OPN5: variants seen among roughly 807,000 people sequenced by gnomAD.
OPN5 encodes opsin-5.
Under a neutral mutation model 41.7 loss-of-function variants are expected in OPN5, and 18 were observed. The observed-to-expected ratio is 0.43, with a 90% CI of 0.30 to 0.64. OPN5 has a LOEUF of 0.64. Among genes scored for constraint, OPN5 ranks in the 30% least tolerant of loss-of-function variants. The pLI is 0.13. For missense variants in OPN5, 318 were observed against 434.5 expected, an observed-to-expected ratio of 0.73 and a Z score of 2.38; for synonymous variants, 178 against 164.3, an observed-to-expected ratio of 1.08 and a Z score of -0.64.
intron 6 of OPN5, among the ~76,000 whole-genome samples, chr6:47,814,590 G>T (rs985497900): frequency 1.3e-5 from 2 of 152,030 alleles, no homozygotes; most frequent in African/African-American, 4.8e-5. Flanking sequence ...ATAGAGATGT[G>T]GTCCTTGGGG....
rs982350590 is a variant in OPN5 at position 47,812,529 on chromosome 6, C to G, written c.1056+798C>G. ...TTAAACAAACACCTTTTGAGGCAGA[C>G]AGGTAAAGAGATGTAGATATGAATG... On this transcript the variant is annotated intron_variant, in intron 6 of 6. Transcript: ENST00000371211. Among the ~76,000 whole-genome samples, 6 of 152,024 alleles carry G rather than the reference C, an allele frequency of 3.9e-5. No individual in the cohort carries two copies. In the East Asian group the frequency reaches 1.2e-3, roughly 29 times the overall value.
At chr6:47,802,301 G>A (rs1031332328) in intron 4 of OPN5, among the ~76,000 whole-genome samples, 8 of 152,046 alleles carry the variant, frequency 5.3e-5, no homozygotes, top group African/African-American at 1.9e-4. Flanking sequence ...GTTTTGGGTA[G>A]CATTTCTCTC....
At chr6:47,784,017 C>T (rs1773139425) in intron 1 of OPN5, among the ~76,000 whole-genome samples, 1 of 152,104 alleles carries the variant, frequency 6.6e-6, no homozygotes, top group African/African-American at 2.4e-5. Context: ...GAATTTCCCA[C>T]CTGATACACA....
At chr6:47,797,409 G>A (rs889098933) in intron 4 of OPN5, among the ~76,000 whole-genome samples, 12 of 152,102 alleles carry the variant, frequency 7.9e-5, no homozygotes, top group African/African-American at 2.7e-4. Flanking sequence ...TATGAGTTAG[G>A]TTCTTCATTT....
intron 4 of OPN5, among the ~76,000 whole-genome samples, chr6:47,804,283 T>C (rs1199011): frequency 0.95 from 145,245 of 152,198 alleles, 69,371 homozygotes; most frequent in East Asian, 1. Flanking sequence ...TTCAGTGACC[T>C]AAAAAGGCAG....
At chr6:47,783,288 T>C (rs1037638720) in intron 1 of OPN5, among the ~76,000 whole-genome samples, 31 of 152,286 alleles carry the variant, frequency 2.0e-4, no homozygotes, top group Admixed American at 3.9e-4. Flanking sequence ...AGGTGGGTTA[T>C]GTCTTTAGGT....
chr6:47,787,534 G>A (rs1193358156), intron 2 of OPN5, among the ~76,000 whole-genome samples: 2 of 152,136 alleles, frequency 1.3e-5, no homozygotes, highest in African/African-American at 4.8e-5. Flanking sequence ...AGGGTAATTT[G>A]TTTGAACAGT....
intron 4 of OPN5, among the ~76,000 whole-genome samples, chr6:47,806,060 A>T (rs370764778): frequency 1.2e-3 from 175 of 152,046 alleles, no homozygotes; most frequent in African/African-American, 4.0e-3. Flanking sequence ...GGGTCATGTG[A>T]TGCCCATGAT....
At chr6:47,822,128 A>T (rs867647646) in intron 6 of OPN5, among the ~76,000 whole-genome samples, 1 of 148,016 alleles carries the variant, frequency 6.8e-6, no homozygotes, top group Non-Finnish European at 1.5e-5. Context: ...AAAAAAAAAA[A>T]TGCAGGTGAT....
At chr6:47,822,049 T>C (rs945685637) in intron 6 of OPN5, among the ~76,000 whole-genome samples, 52 of 151,142 alleles carry the variant, frequency 3.4e-4, no homozygotes, top group African/African-American at 1.1e-3. Flanking sequence ...AAGGTGAAGG[T>C]TGCAGCAAGC....
chr6:47,815,145 A>G lies in OPN5; in HGVS notation c.1056+3414A>G, dbSNP rs570833172. 5.4e-4 allele frequency among the ~76,000 whole-genome samples: 82 copies of G among 152,272 alleles called. 1 individual carries two copies. The South Asian group carries it at 0.016, about 30-fold the overall frequency. On this transcript the variant is annotated intron_variant, in intron 6 of 6. Coordinates refer to ENST00000371211, the Ensembl canonical transcript of OPN5. ...TCTAAATATATTTTAAGTTTTTCTA[A>G]GTGGAATGAAGCAATAAGAATATAT...
chr6:47,791,687 G>A (rs993934578), intron 2 of OPN5, 115 bp from the exon 3 acceptor site: 19 of 745,542 alleles, frequency 2.5e-5, no homozygotes, highest in Non-Finnish European at 4.2e-5. Flanking sequence ...TCAAGGGTGT[G>A]TGTGTGCGTT....
intron 4 of OPN5, among the ~76,000 whole-genome samples, chr6:47,801,794 T>C (rs780744908): frequency 1.5e-5 from 2 of 137,480 alleles, no homozygotes; most frequent in African/African-American, 5.2e-5. Context: ...TGATGAGACC[T>C]GAGCGGGTAA....
intron 4 of OPN5, among the ~76,000 whole-genome samples, chr6:47,799,899 T>C (rs1165954459): frequency 6.6e-6 from 1 of 152,202 alleles, no homozygotes; most frequent in East Asian, 1.9e-4. Flanking sequence ...ACAGTAATCT[T>C]AATGCCCTGA....
chr6:47,790,540 A>C (rs983834297), intron 2 of OPN5, among the ~76,000 whole-genome samples: 19 of 152,178 alleles, frequency 1.2e-4, no homozygotes, highest in African/African-American at 1.9e-4. Context: ...CTTCCCTGTG[A>C]ATACTCAACT....
chr6:47,789,536 A>C (rs944955837), intron 2 of OPN5, among the ~76,000 whole-genome samples: 2 of 152,126 alleles, frequency 1.3e-5, no homozygotes, highest in African/African-American at 4.8e-5. Flanking sequence ...TGAATGGAAA[A>C]AAACCCCACA....
chr6:47,817,161 C>T (rs1208671412), intron 6 of OPN5, among the ~76,000 whole-genome samples: 1 of 152,128 alleles, frequency 6.6e-6, no homozygotes, highest in Non-Finnish European at 1.5e-5. Flanking sequence ...ATTTACTCCA[C>T]TCCGGTGGGA....
chr6:47,825,079 T>TAAGG (rs1277693614), downstream of OPN5: 2 of 152,138 alleles, frequency 1.3e-5, no homozygotes, highest in East Asian at 3.9e-4. Context: ...TGTAAACACA[T>TAAGG]AATGAATGAA....
chr6:47,801,212 G>A (rs1773759182), intron 4 of OPN5, among the ~76,000 whole-genome samples: 2 of 152,206 alleles, frequency 1.3e-5, no homozygotes, highest in African/African-American at 2.4e-5. Flanking sequence ...ACCCTACAGC[G>A]TGGCACCTGC....
Sources: allele counts gnomAD v4.1 joint callset (sites outside exome capture counted in the v4.1 genomes callset), GRCh38; gene constraint gnomAD v4.1.1; transcripts MANE v1.5; gene names NCBI Gene and HGNC (gene_info 2026-07-23, HGNC 2026-07-21).